The following STX8 variants were observed in gnomAD, a reference collection of about 807,000 sequenced individuals.
STX8 encodes syntaxin-8.
Under a neutral mutation model 37.5 loss-of-function variants are expected in STX8, and 23 were observed. That is an observed-to-expected ratio of 0.61 (90% CI 0.44 to 0.87). The LOEUF is 0.87. Among genes scored for constraint, STX8 ranks in the 40% least tolerant of loss-of-function variants. The probability of loss-of-function intolerance (pLI) is 0.00; values close to 1 mark genes in which losing one functional copy is unlikely to be tolerated. For missense variants in STX8, 313 were observed against 284.7 expected, an observed-to-expected ratio of 1.10 and a Z score of -0.71; for synonymous variants, 115 against 99.1, an observed-to-expected ratio of 1.16 and a Z score of -0.95.
intron 7 of STX8, among the ~76,000 whole-genome samples, chr17:9,293,956 G>A (rs137893603): frequency 0.23 from 34,396 of 151,620 alleles, 4,064 homozygotes; most frequent in East Asian, 0.43. Context: ...TAGTAGAGAC[G>A]GGGTTTCACC....
intron 6 of STX8, among the ~76,000 whole-genome samples, chr17:9,481,724 C>T (rs1354499727): frequency 6.6e-6 from 1 of 152,188 alleles, no homozygotes; most frequent in Non-Finnish European, 1.5e-5. Context: ...CACAGCAGGA[C>T]GTGAGCAGCA....
chr17:9,424,160 G>A (rs1302314916), intron 6 of STX8, among the ~76,000 whole-genome samples: 3 of 152,004 alleles, frequency 2.0e-5, no homozygotes, highest in Admixed American at 6.6e-5. Flanking sequence ...CTGGCTGGGC[G>A]ACCCCCTAAG....
chr17:9,409,887 C>T (rs187564901), intron 6 of STX8, among the ~76,000 whole-genome samples: 1 of 152,234 alleles, frequency 6.6e-6, no homozygotes, highest in Admixed American at 6.5e-5. Flanking sequence ...TCTCCTTTGC[C>T]ACAGTTAATC....
chr17:9,435,183 T>C (rs1444219777), intron 6 of STX8, among the ~76,000 whole-genome samples: 1 of 152,156 alleles, frequency 6.6e-6, no homozygotes, highest in Non-Finnish European at 1.5e-5. Context: ...TGGAACAGGT[T>C]TGTGGGGAAA....
intron 6 of STX8, among the ~76,000 whole-genome samples, chr17:9,395,208 C>T (rs991691054): frequency 1.3e-5 from 2 of 152,018 alleles, no homozygotes; most frequent in African/African-American, 4.8e-5. Context: ...AACAAATATT[C>T]ATATAAAAAT....
intron 7 of STX8, among the ~76,000 whole-genome samples, chr17:9,371,587 C>T (rs1911402684): frequency 6.6e-6 from 1 of 151,928 alleles, no homozygotes; most frequent in African/African-American, 2.4e-5. Context: ...AACTGCCTAG[C>T]ATTTGGGCAT....
At chr17:9,368,922 C>CCT (rs1481698834) in intron 7 of STX8, among the ~76,000 whole-genome samples, 2,782 of 145,374 alleles carry the variant, frequency 0.019, 89 homozygotes, top group African/African-American at 0.065. Flanking sequence ...ACCTTTTACC[C>CCT]TTTTTTTTTT....
At position 9,566,456 on chromosome 17, in the gene STX8, A is replaced by G. The variant is rs73252154; in HGVS notation, c.117+1915T>C. Among the ~76,000 whole-genome samples the G allele has an allele frequency of 1.7e-3, 263 of 152,350 alleles. 2 individuals are homozygous for G. The highest frequency in any genetic ancestry group is 6.1e-3 in the African/African-American group (252 of 41,574). On this transcript the variant is annotated intron_variant, in intron 2 of 7. Coordinates refer to ENST00000306357, the MANE Select transcript of STX8 (RefSeq NM_004853.3). ...TGATTCAGCAATCCCGTTATTGGGTATATCCCCGAAGGAATAGAAATCATT... is the reference window on the plus strand; with the variant it reads ...TGATTCAGCAATCCCGTTATTGGGTGTATCCCCGAAGGAATAGAAATCATT...
intron 4 of STX8, among the ~76,000 whole-genome samples, chr17:9,509,506 C>T (rs1904954862): frequency 6.6e-6 from 1 of 151,932 alleles, no homozygotes; most frequent in African/African-American, 2.4e-5. Flanking sequence ...GAAGGTAATC[C>T]ATCACCACTA....
Position 9,501,887 on chromosome 17 carries a change from T to C in STX8, c.448+3151A>G, listed in dbSNP as rs563270935. ...GGGAGGCTGAGGCAGGAGAATAGCG[T>C]GAACCTGAGAGGTGGAGCTTGCAGT... On this transcript the variant is annotated intron_variant, in intron 5 of 7. Coordinates refer to ENST00000306357, the MANE Select transcript of STX8 (RefSeq NM_004853.3). 2.6e-5 allele frequency among the ~76,000 whole-genome samples: 4 copies of C among 152,094 alleles called. No individual in the cohort carries two copies. In the South Asian group the frequency reaches 8.3e-4, roughly 32 times the overall value.
rs772349792 is a variant in STX8, at chr17:9,568,367, T to C, written c.117+4A>G. 14 of 1,607,056 alleles carry C rather than the reference T, an allele frequency of 8.7e-6. No individual in the cohort carries two copies. Among genetic ancestry groups the C allele is most frequent in the Non-Finnish European group, 1.2e-5 (14 of 1,176,040 alleles). On this transcript the variant is annotated splice_donor_region_variant and intron_variant, in intron 2 of 7. Transcript: ENST00000306357. ...ATTGGGTACTAATTCCTTCATGGTA[T>C]TACCTTTGGTGCCTTTTCACCTTTT... is the stretch of plus-strand genomic sequence containing the variant.
In STX8 at chr17:9,310,889, G is replaced by A. The variant is rs571412264; in HGVS notation, c.644-60244C>T. ...TCCTAGTTTGATATCTCAAATTGCT[G>A]TACTTCACTTATGGGAGTAGACATT... On this transcript the variant is annotated intron_variant, in intron 7 of 7. Coordinates refer to ENST00000306357, the MANE Select transcript of STX8 (RefSeq NM_004853.3). Among the ~76,000 whole-genome samples, 8 of 152,268 alleles carry A rather than the reference G, an allele frequency of 5.3e-5. No homozygotes were observed. In the South Asian group the frequency reaches 8.3e-4, roughly 16 times the overall value.
At chr17:9,464,548 C>G (rs1194521618) in intron 6 of STX8, among the ~76,000 whole-genome samples, 1 of 152,142 alleles carries the variant, frequency 6.6e-6, no homozygotes, top group Non-Finnish European at 1.5e-5. Context: ...TACTTAAACA[C>G]TGAGATTTCT....
chr17:9,304,583 AATC>A (rs1246928031), intron 7 of STX8, among the ~76,000 whole-genome samples: 1 of 151,932 alleles, frequency 6.6e-6, no homozygotes, highest in East Asian at 1.9e-4. Flanking sequence ...TCTTAGGTTT[AATC>A]ATATGAATTA....
At chr17:9,429,360 AATAAATATTTAT>A (rs1913760000) in intron 6 of STX8, among the ~76,000 whole-genome samples, 1 of 145,468 alleles carries the variant, frequency 6.9e-6, no homozygotes, top group Admixed American at 7.0e-5. Context: ...TATAATATAT[AATAAATATTTAT>A]ATATAACATA....
intron 7 of STX8, among the ~76,000 whole-genome samples, chr17:9,288,407 A>G (rs1908173416): frequency 2.0e-5 from 3 of 151,810 alleles, no homozygotes; most frequent in Admixed American, 1.3e-4. Context: ...CACGCCTGTA[A>G]TCCCAGCACT....
At chr17:9,287,404 C>G (rs1239234494) in intron 7 of STX8, among the ~76,000 whole-genome samples, 2 of 152,140 alleles carry the variant, frequency 1.3e-5, no homozygotes, top group Non-Finnish European at 2.9e-5. Flanking sequence ...TGAAACTGGA[C>G]TGGGGAGCTT....
At chr17:9,428,067 G>T (rs1246658151) in intron 6 of STX8, among the ~76,000 whole-genome samples, 1 of 152,156 alleles carries the variant, frequency 6.6e-6, no homozygotes, top group Admixed American at 6.5e-5. Flanking sequence ...AGTGGCTGCT[G>T]ACTCCTCAGA....
chr17:9,377,642 A>G (rs1476523337), intron 7 of STX8, among the ~76,000 whole-genome samples: 1 of 152,090 alleles, frequency 6.6e-6, no homozygotes, highest in Non-Finnish European at 1.5e-5. Context: ...TTGTATCTTT[A>G]GTAGAGACAG....
Sources: allele counts gnomAD v4.1 joint callset (sites outside exome capture counted in the v4.1 genomes callset), GRCh38; gene constraint gnomAD v4.1.1; transcripts MANE v1.5; gene names NCBI Gene and HGNC (gene_info 2026-07-23, HGNC 2026-07-21).